Variants in DHRSX observed in about 807,000 individuals in gnomAD.
DHRSX encodes dehydrogenase/reductase X-linked.
DHRSX carries 31 observed loss-of-function variants against 34.0 expected under a neutral mutation model. That is an observed-to-expected ratio of 0.91 (90% CI 0.69 to 1.23). The LOEUF is 1.23. Among genes scored for constraint, DHRSX ranks in the 50% most tolerant of loss-of-function variants. The pLI, the probability that DHRSX is intolerant of heterozygous loss-of-function variation, is 0.00. For missense variants in DHRSX, 414 were observed against 428.1 expected (o/e 0.97, Z 0.29); for synonymous variants, 201 against 183.8 (o/e 1.09, Z -0.76).
chrX:2,484,015 G>A (rs4428807), intron 1 of DHRSX, among the ~76,000 whole-genome samples: 31,555 of 152,080 alleles, frequency 0.21, 4,803 homozygotes, highest in African/African-American at 0.43. Flanking sequence ...CGCTCTTGTC[G>A]CCCAGGATGG....
At chrX:2,284,777 C>T (rs1267957419) in intron 4 of DHRSX, among the ~76,000 whole-genome samples, 6 of 152,148 alleles carry the variant, frequency 3.9e-5, no homozygotes, top group Admixed American at 2.6e-4. Flanking sequence ...GATAAATCAT[C>T]GCGTTGCCTC....
chrX:2,435,881 G>A (rs2043984828), intron 1 of DHRSX, among the ~76,000 whole-genome samples: 1 of 152,222 alleles, frequency 6.6e-6, no homozygotes, highest in African/African-American at 2.4e-5. Context: ...TCCTAGTACA[G>A]TTGTTTTGAA....
At chrX:2,243,788 GTTTTTTTTTTTT>G (rs778957532) in intron 5 of DHRSX, among the ~76,000 whole-genome samples, 42 of 25,170 alleles carry the variant, frequency 1.7e-3, no homozygotes, top group East Asian at 5.8e-3. Context: ...TATGCTCCCT[GTTTTTTTTTTTT>G]TTTTTTTTTT....
chrX:2,320,355 G>A (rs1361239075), intron 3 of DHRSX, among the ~76,000 whole-genome samples: 1 of 139,184 alleles, frequency 7.2e-6, no homozygotes, highest in African/African-American at 2.7e-5. Flanking sequence ...ACTGCAGTGG[G>A]GTGATCTCAG....
chrX:2,401,719 G>A (rs2043488228), intron 3 of DHRSX, among the ~76,000 whole-genome samples: 1 of 152,106 alleles, frequency 6.6e-6, no homozygotes, highest in Non-Finnish European at 1.5e-5. Context: ...TATATTTGGA[G>A]GAGTTTCGGT....
At chrX:2,444,196 A>T (rs1458947054) in intron 1 of DHRSX, among the ~76,000 whole-genome samples, 2 of 152,142 alleles carry the variant, frequency 1.3e-5, no homozygotes, top group Non-Finnish European at 2.9e-5. Flanking sequence ...TTTCATTGAT[A>T]CATGTTTCTG....
chrX:2,448,640 T>C (rs1263272046), intron 1 of DHRSX, among the ~76,000 whole-genome samples: 2 of 152,226 alleles, frequency 1.3e-5, no homozygotes, highest in Non-Finnish European at 2.9e-5. Context: ...CTTGATTTAA[T>C]CACCGCACAA....
chrX:2,224,931 A>G (rs1209223379), intron 6 of DHRSX, among the ~76,000 whole-genome samples: 1 of 149,228 alleles, frequency 6.7e-6, no homozygotes, highest in Non-Finnish European at 1.5e-5. Flanking sequence ...ATTCACATGC[A>G]CTCATTCACA....
chrX:2,430,526 A>G (rs1458115708), intron 1 of DHRSX, among the ~76,000 whole-genome samples: 1 of 152,064 alleles, frequency 6.6e-6, no homozygotes, highest in Non-Finnish European at 1.5e-5. Flanking sequence ...ATGACTCGGC[A>G]TGACCAGAGA....
At chrX:2,349,981 G>T (rs747019215) in intron 3 of DHRSX, among the ~76,000 whole-genome samples, 2 of 151,880 alleles carry the variant, frequency 1.3e-5, no homozygotes, top group Non-Finnish European at 2.9e-5. Context: ...GGAGCTTGCA[G>T]TAAGCCGAGA....
intron 6 of DHRSX, among the ~76,000 whole-genome samples, chrX:2,237,165 A>G (rs957102963): frequency 9.2e-5 from 14 of 152,068 alleles, no homozygotes; most frequent in African/African-American, 3.4e-4. Context: ...CAGCCTGGGC[A>G]ACAGAGAGAG....
chrX:2,461,291 A>G (rs2044398733), intron 1 of DHRSX, among the ~76,000 whole-genome samples: 1 of 152,220 alleles, frequency 6.6e-6, no homozygotes, highest in Admixed American at 6.6e-5. Flanking sequence ...ACAAGCTAAA[A>G]GCCAGTTGGA....
chrX:2,438,326 C>CACACACACAT (rs999665977), intron 1 of DHRSX, among the ~76,000 whole-genome samples: 6 of 150,306 alleles, frequency 4.0e-5, no homozygotes, highest in Admixed American at 6.7e-5. Flanking sequence ...CACACACACA[C>CACACACACAT]ATATATATGC....
chrX:2,464,133 C>G (rs1230069908), intron 1 of DHRSX, among the ~76,000 whole-genome samples: 2 of 151,570 alleles, frequency 1.3e-5, no homozygotes, highest in Non-Finnish European at 2.9e-5. Context: ...CCGCCATGTA[C>G]GCACTGAAGA....
intron 3 of DHRSX, among the ~76,000 whole-genome samples, chrX:2,379,770 T>C (rs963980244): frequency 3.3e-5 from 5 of 151,912 alleles, no homozygotes; most frequent in African/African-American, 7.3e-5. Context: ...ACAAAAATGA[T>C]GTCTGGTGGC....
chrX:2,298,614 A>ACACACACACACACACACACACACACACG (rs1556457243), intron 3 of DHRSX, among the ~76,000 whole-genome samples: 2 of 82,956 alleles, frequency 2.4e-5, no homozygotes, highest in African/African-American at 8.2e-5. Flanking sequence ...ACACACACAC[A>ACACACACACACACACACACACACACACG]CACACACACA....
intron 3 of DHRSX, among the ~76,000 whole-genome samples, chrX:2,341,882 G>A (rs944275563): frequency 3.1e-4 from 47 of 151,782 alleles, no homozygotes; most frequent in Non-Finnish European, 5.4e-4. Flanking sequence ...TCAGCTCACC[G>A]CAACCTCTAC....
chrX:2,333,709 G>A (rs1038462115), intron 3 of DHRSX, among the ~76,000 whole-genome samples: 15 of 152,092 alleles, frequency 9.9e-5, no homozygotes, highest in South Asian at 2.1e-4. Flanking sequence ...CACTGCGCCC[G>A]GCCAATAGGC....
At chrX:2,462,035 T>C (rs1365515755) in intron 1 of DHRSX, among the ~76,000 whole-genome samples, 1 of 152,248 alleles carries the variant, frequency 6.6e-6, no homozygotes, top group Non-Finnish European at 1.5e-5. Context: ...CAAATGCCAC[T>C]CTGCTCTTTT....
Sources: allele counts gnomAD v4.1 joint callset (sites outside exome capture counted in the v4.1 genomes callset), GRCh38; gene constraint gnomAD v4.1.1; transcripts MANE v1.5; gene names NCBI Gene and HGNC (gene_info 2026-07-23, HGNC 2026-07-21).